Variants in CLASP1 observed in about 807,000 individuals in gnomAD.
CLASP1 encodes the protein cytoplasmic linker associated protein 1.
A neutral mutation model predicts 192.3 loss-of-function variants in CLASP1; 38 were observed. The ratio of observed to expected loss-of-function variants is 0.20; its 90% CI spans 0.15 to 0.26. The LOEUF (loss-of-function observed/expected upper bound fraction) is 0.26, where lower values mean the gene tolerates loss of function less well. Among genes scored for constraint, CLASP1 ranks in the 10% least tolerant of loss-of-function variants. The probability of loss-of-function intolerance (pLI) is 1.00; values close to 1 mark genes in which losing one functional copy is unlikely to be tolerated. For synonymous variants in CLASP1, 691 were observed against 712.8 expected (o/e 0.97, Z 0.49); for missense variants, 1,433 against 1,932.5 (o/e 0.74, Z 4.85).
chr2:121,438,883 T>G (rs2082769728), intron 19 of CLASP1, among the ~76,000 whole-genome samples: 1 of 151,430 alleles, frequency 6.6e-6, no homozygotes, highest in Non-Finnish European at 1.5e-5. Context: ...TTCTATTGAT[T>G]GGAATAGTTT....
chr2:121,494,184 A>AT (rs2150172689), intron 8 of CLASP1, among the ~76,000 whole-genome samples: 1 of 152,348 alleles, frequency 6.6e-6, no homozygotes, highest in East Asian at 1.9e-4. Flanking sequence ...AATAGCCAAG[A>AT]TTTTAAAGCA....
At chr2:121,567,865 T>C (rs1376791088) in intron 2 of CLASP1, among the ~76,000 whole-genome samples, 1 of 152,206 alleles carries the variant, frequency 6.6e-6, no homozygotes, top group African/African-American at 2.4e-5. Flanking sequence ...TATCAGAGTT[T>C]AGTGATTTAT....
chr2:121,540,816 T>C (rs539501116), intron 2 of CLASP1, among the ~76,000 whole-genome samples: 2 of 148,286 alleles, frequency 1.3e-5, no homozygotes, highest in Non-Finnish European at 3.0e-5. Context: ...TAAACTGTAA[T>C]GTTAAGGTGC....
chr2:121,584,984 C>T lies in CLASP1; in HGVS notation c.195+20717G>A, dbSNP rs553255276. ...TGATCATAAAGCTAACAAGTACTTA[C>T]TGTATGTCAGCACTTACGATACGTC... On this transcript the variant is annotated intron_variant, in intron 2 of 39. Coordinates refer to ENST00000263710, the Ensembl canonical transcript of CLASP1. Among the ~76,000 whole-genome samples, 303 of 152,312 alleles carry T rather than the reference C, an allele frequency of 2.0e-3. 1 individual carries two copies. The highest frequency in any genetic ancestry group is 5.9e-3 in the African/African-American group (244 of 41,570).
intron 16 of CLASP1, 131 bp downstream of exon 16, chr2:121,450,782 T>C (rs2085319500): frequency 3.3e-6 from 2 of 613,354 alleles, no homozygotes; most frequent in Non-Finnish European, 2.8e-6. Context: ...AATGGCCTTT[T>C]GGGGGTCATG....
intron 8 of CLASP1, chr2:121,470,310 T>A (rs746799169): frequency 2.3e-6 from 1 of 427,694 alleles, no homozygotes; most frequent in African/African-American, 3.1e-5. Flanking sequence ...TTTTTTTTTT[T>A]TTTTTTTTTT....
intron 2 of CLASP1, among the ~76,000 whole-genome samples, chr2:121,595,735 A>G (rs2063055850): frequency 6.6e-6 from 1 of 152,244 alleles, no homozygotes; most frequent in African/African-American, 2.4e-5. Context: ...AAGAGACCCA[A>G]GGCCTCTGTT....
At chr2:121,623,088 T>C (rs75924159) in intron 1 of CLASP1, among the ~76,000 whole-genome samples, 5,829 of 152,072 alleles carry the variant, frequency 0.038, 162 homozygotes, top group East Asian at 0.14. Context: ...ATATAAATTT[T>C]AAAAAATTAA....
At chr2:121,376,395 G>A (rs1352576028) in intron 34 of CLASP1, among the ~76,000 whole-genome samples, 3 of 152,026 alleles carry the variant, frequency 2.0e-5, no homozygotes, top group Non-Finnish European at 4.4e-5. Flanking sequence ...ATGAACTGGA[G>A]GACATTAAGT....
At chr2:121,540,575 T>C (rs1363322038) in intron 2 of CLASP1, among the ~76,000 whole-genome samples, 2 of 151,866 alleles carry the variant, frequency 1.3e-5, no homozygotes, top group African/African-American at 4.8e-5. Context: ...AATCAAGAGG[T>C]CAGGAGTTCA....
chr2:121,404,358 A>T lies in CLASP1; in HGVS notation c.2733+13T>A. On this transcript the variant is annotated intron_variant, in intron 26 of 39. Coordinates refer to ENST00000263710, the Ensembl canonical transcript of CLASP1. ...CAGGGGTAAAGACAGGGCAGGCATG[A>T]CTTCAGACTTACCTTGCTATGAGGG... is the stretch of plus-strand genomic sequence containing the variant. The T allele has an allele frequency of 1.9e-6, 3 of 1,610,766 alleles. No homozygotes were observed. Among genetic ancestry groups the T allele is most frequent in the South Asian group, 2.2e-5 (2 of 89,866 alleles).
chr2:121,374,497 T>C (rs1283901425), intron 34 of CLASP1, among the ~76,000 whole-genome samples: 2 of 152,214 alleles, frequency 1.3e-5, no homozygotes, highest in Non-Finnish European at 2.9e-5. Flanking sequence ...AAGGCCATAG[T>C]TCTCCAGATC....
At chr2:121,510,658 C>T (rs1340707204) in intron 7 of CLASP1, among the ~76,000 whole-genome samples, 2 of 151,630 alleles carry the variant, frequency 1.3e-5, no homozygotes, top group South Asian at 2.1e-4. Context: ...ATTACCCGCG[C>T]ATGGTAGCAT....
At chr2:121,346,737 T>C (rs955825481) in intron 39 of CLASP1, among the ~76,000 whole-genome samples, 4 of 152,238 alleles carry the variant, frequency 2.6e-5, no homozygotes, top group Non-Finnish European at 4.4e-5. Flanking sequence ...AGTGTTTCCA[T>C]GAAAAATCGG....
At chr2:121,337,824 T>TTTG (rs113839646) in exon 40 of CLASP1, 43,678 of 151,842 alleles carry the variant, frequency 0.29, 9,664 homozygotes, top group African/African-American at 0.63. Context: ...GGGTTTTTTT[T>TTTG]TTTTCTTTTT....
chr2:121,492,548 T>C lies in CLASP1; in HGVS notation c.712+10619A>G, dbSNP rs1375884302. ...GATTTGATTAGATGTTTTTCCAACG[T>C]AGATCAACAAATGGCCAGTAAGCAC... is the stretch of plus-strand genomic sequence containing the variant. On this transcript the variant is annotated intron_variant, in intron 8 of 39. Coordinates refer to ENST00000263710, the Ensembl canonical transcript of CLASP1. Among the ~76,000 whole-genome samples, 7 of 151,770 alleles carry C rather than the reference T, an allele frequency of 4.6e-5. No homozygotes were observed. In the East Asian group the frequency reaches 1.2e-3, roughly 25 times the overall value.
chr2:121,643,794 A>T (rs1002956288), intron 1 of CLASP1, among the ~76,000 whole-genome samples: 1 of 152,160 alleles, frequency 6.6e-6, no homozygotes, highest in Non-Finnish European at 1.5e-5. Flanking sequence ...GAATTTTAAA[A>T]TTTTAATTTG....
chr2:121,546,551 T>C (rs1275942559), intron 2 of CLASP1, among the ~76,000 whole-genome samples: 2 of 151,852 alleles, frequency 1.3e-5, no homozygotes, highest in Non-Finnish European at 2.9e-5. Context: ...AGGGAAGCAG[T>C]GAGTGAATAT....
At chr2:121,565,064 G>A (rs1233622069) in intron 2 of CLASP1, among the ~76,000 whole-genome samples, 1 of 152,210 alleles carries the variant, frequency 6.6e-6, no homozygotes, top group Admixed American at 6.5e-5. Flanking sequence ...GCTCAATTCT[G>A]TGATGAGATG....
Sources: allele counts gnomAD v4.1 joint callset (sites outside exome capture counted in the v4.1 genomes callset), GRCh38; gene constraint gnomAD v4.1.1; transcripts MANE v1.5; gene names NCBI Gene and HGNC (gene_info 2026-07-23, HGNC 2026-07-21).